KIAA0319L: variants seen among roughly 807,000 people sequenced by gnomAD.
The protein encoded by KIAA0319L is dyslexia-associated protein KIAA0319-like protein.
KIAA0319L carries 55 observed loss-of-function variants against 120.1 expected under a neutral mutation model. That is an observed-to-expected ratio of 0.46 (90% CI 0.37 to 0.57). The LOEUF is 0.57. Among genes scored for constraint, KIAA0319L ranks in the 20% least tolerant of loss-of-function variants. The probability of loss-of-function intolerance (pLI) is 0.00; values close to 1 mark genes in which losing one functional copy is unlikely to be tolerated. For missense variants in KIAA0319L, 1,049 were observed against 1,255.3 expected, an observed-to-expected ratio of 0.84 and a Z score of 2.48; for synonymous variants, 398 against 471.9, an observed-to-expected ratio of 0.84 and a Z score of 2.03.
At chr1:35,538,915 CA>C (rs1646685937) in intron 2 of KIAA0319L, among the ~76,000 whole-genome samples, 1 of 151,870 alleles carries the variant, frequency 6.6e-6, no homozygotes, top group Non-Finnish European at 1.5e-5. Context: ...TCCTGACTGC[CA>C]AATTATCTAG....
intron 2 of KIAA0319L, among the ~76,000 whole-genome samples, chr1:35,519,749 G>A (rs187881330): frequency 1.2e-4 from 18 of 152,248 alleles, no homozygotes; most frequent in Non-Finnish European, 1.0e-4. Context: ...CTTCCCACAG[G>A]AAACTAAAAC....
At chr1:35,507,468 A>G (rs1460875066) in intron 2 of KIAA0319L, among the ~76,000 whole-genome samples, 1 of 152,222 alleles carries the variant, frequency 6.6e-6, no homozygotes, top group Non-Finnish European at 1.5e-5. Flanking sequence ...GTGGAAGCAT[A>G]TGCAGGGAAG....
intron 2 of KIAA0319L, among the ~76,000 whole-genome samples, chr1:35,550,981 T>G (rs1396433342): frequency 6.6e-6 from 1 of 152,254 alleles, no homozygotes; most frequent in Non-Finnish European, 1.5e-5. Flanking sequence ...CAGCACAGAA[T>G]AAATGACTGT....
rs150078057 is a variant in KIAA0319L, at chr1:35,444,851, A to G, written c.2514-548T>C. Among the ~76,000 whole-genome samples, 875 of 152,264 alleles carry G rather than the reference A, an allele frequency of 5.7e-3. 6 individuals carry two copies. Among genetic ancestry groups the G allele is most frequent in the Non-Finnish European group, 9.2e-3 (626 of 68,014 alleles). On this transcript the variant is annotated intron_variant, in intron 16 of 20. Transcript: ENST00000325722. ...TATGATGACAACAAAAAGATCTTACACTGTAGTATGGCTGCTATGAACTTA... is the reference window on the plus strand; with the variant it reads ...TATGATGACAACAAAAAGATCTTACGCTGTAGTATGGCTGCTATGAACTTA...
chr1:35,538,590 C>CA (rs757522421), intron 2 of KIAA0319L, among the ~76,000 whole-genome samples: 3,886 of 31,728 alleles, frequency 0.12, 574 homozygotes, highest in African/African-American at 0.21. Flanking sequence ...AACTCTGTCT[C>CA]AAAAAAAAAA....
chr1:35,450,204 C>G (rs1365734111), intron 14 of KIAA0319L, among the ~76,000 whole-genome samples, 154 bp downstream of exon 14: 1 of 152,176 alleles, frequency 6.6e-6, no homozygotes, highest in Admixed American at 6.5e-5. Context: ...TACTAGCTTA[C>G]AGAATGACCC....
At chr1:35,469,026 T>A (rs768967557) in intron 6 of KIAA0319L, among the ~76,000 whole-genome samples, 2 of 152,080 alleles carry the variant, frequency 1.3e-5, no homozygotes, top group South Asian at 4.1e-4. Flanking sequence ...ATTCAATAGG[T>A]GGTTTTTATT....
chr1:35,455,826 G>A (rs551067191), intron 10 of KIAA0319L, among the ~76,000 whole-genome samples, 187 bp downstream of exon 10: 7 of 152,128 alleles, frequency 4.6e-5, no homozygotes, highest in Admixed American at 2.6e-4. Flanking sequence ...TGATCCGCCC[G>A]CCTCAGCTTC....
intron 3 of KIAA0319L, among the ~76,000 whole-genome samples, chr1:35,492,153 A>G (rs1338754186): frequency 2.0e-5 from 3 of 152,234 alleles, no homozygotes; most frequent in Non-Finnish European, 2.9e-5. Context: ...CTATGAGGCC[A>G]GCCAATAAAC....
intron 3 of KIAA0319L, among the ~76,000 whole-genome samples, chr1:35,503,887 C>A (rs1057511815): frequency 7.2e-6 from 1 of 138,656 alleles, no homozygotes; most frequent in Non-Finnish European, 1.6e-5. Flanking sequence ...TTGTGATTTT[C>A]TTTTTTTTTT....
intron 11 of KIAA0319L, 175 bp downstream of exon 11, chr1:35,454,184 CCTT>C: frequency 5.2e-6 from 3 of 576,294 alleles, no homozygotes; most frequent in East Asian, 2.7e-5. Context: ...TGGGAAGTAT[CCTT>C]CATCTCTAGC....
At chr1:35,483,951 C>T (rs986198240) in intron 3 of KIAA0319L, among the ~76,000 whole-genome samples, 3 of 152,168 alleles carry the variant, frequency 2.0e-5, no homozygotes, top group Non-Finnish European at 2.9e-5. Context: ...CTACTCTTCA[C>T]GTGGCCTTCT....
At chr1:35,481,191 T>G (rs1485158223) in intron 3 of KIAA0319L, among the ~76,000 whole-genome samples, 1 of 152,272 alleles carries the variant, frequency 6.6e-6, no homozygotes, top group African/African-American at 2.4e-5. Flanking sequence ...TTTACATTTA[T>G]CTACTGATGG....
rs1645473598 is a variant in KIAA0319L at position 35,512,177 on chromosome 1, G to A, written c.143-5042C>T. The stretch of plus-strand genomic sequence containing the variant: ...CCCAGTTACTCAGAAGGCTGAGGCA[G>A]AAGGATTGCTGGAAATGGGAGGGGG... On this transcript the variant is annotated intron_variant, in intron 2 of 20. Coordinates refer to ENST00000325722, the MANE Select transcript of KIAA0319L (RefSeq NM_024874.5). 5.9e-5 allele frequency among the ~76,000 whole-genome samples: 9 copies of A among 152,068 alleles called. 1 individual carries two copies. Among genetic ancestry groups the A allele is most frequent in the Admixed American group, 5.9e-4 (9 of 15,252 alleles).
intron 7 of KIAA0319L, among the ~76,000 whole-genome samples, chr1:35,466,193 G>A (rs1441571664): frequency 3.9e-5 from 6 of 152,202 alleles, no homozygotes; most frequent in African/African-American, 9.6e-5. Flanking sequence ...GTGTTTAAAT[G>A]AGGAACTCTG....
At chr1:35,531,597 CA>C (rs1202844275) in intron 2 of KIAA0319L, among the ~76,000 whole-genome samples, 1 of 152,194 alleles carries the variant, frequency 6.6e-6, no homozygotes, top group Non-Finnish European at 1.5e-5. Flanking sequence ...TCAGGGCCCA[CA>C]AGGGTCAAAG....
chr1:35,450,379 A>G lies in KIAA0319L; in HGVS notation c.2193T>C (p.Asp731=). 6.2e-7 allele frequency: 1 copy of G among 1,613,854 alleles called. No homozygotes were observed. The highest frequency in any genetic ancestry group is 8.5e-7 in the Non-Finnish European group (1 of 1,179,910). The change falls in exon 14 of 21, where the codon GAT becomes GAC. Residue 731 remains aspartate, a synonymous_variant. Transcript: ENST00000325722. ...TTACCCCTGCTGCTGGGCTCCCCTC[A>G]TCTCGAGTCCAGAGGTAGCTGACTA... The part of the protein sequence containing the change: ...KGIVSYLWTR[D]EGSPAAGEVL...
chr1:35,540,830 A>T lies in KIAA0319L; in HGVS notation c.142+13520T>A, dbSNP rs554658728. Among the ~76,000 whole-genome samples the T allele has an allele frequency of 4.6e-5, 7 of 152,328 alleles. 1 individual carries two copies. The highest frequency in any genetic ancestry group is 1.7e-4 in the African/African-American group (7 of 41,582). ...CTTGAAGGGAATCTTGATGTCAGCA[A>T]TGCCATCCCTCTCAAAGGGAATTTC... On this transcript the variant is annotated intron_variant, in intron 2 of 20. Transcript: ENST00000325722.
chr1:35,525,112 C>T (rs946748252), intron 2 of KIAA0319L, among the ~76,000 whole-genome samples: 1 of 152,152 alleles, frequency 6.6e-6, no homozygotes, highest in Non-Finnish European at 1.5e-5. Flanking sequence ...TATTTGCCTA[C>T]GTCTGGCTTA....
Sources: allele counts gnomAD v4.1 joint callset (sites outside exome capture counted in the v4.1 genomes callset), GRCh38; gene constraint gnomAD v4.1.1; transcripts MANE v1.5; gene names NCBI Gene and HGNC (gene_info 2026-07-23, HGNC 2026-07-21).